The following HHIPL1 variants were observed in gnomAD, a reference collection of about 807,000 sequenced individuals.
HHIPL1 encodes the protein HHIP-like protein 1.
HHIPL1 carries 43 observed loss-of-function variants against 61.8 expected under a neutral mutation model. That is an observed-to-expected ratio of 0.70 (90% confidence interval 0.55 to 0.90). The LOEUF (loss-of-function observed/expected upper bound fraction) is 0.90. HHIPL1 is among the 40% of genes least tolerant of loss of function. The pLI is 0.00. For synonymous variants in HHIPL1, 482 were observed against 515.8 expected (o/e 0.93, Z 0.89); for missense variants, 1,056 against 1,157.7 (o/e 0.91, Z 1.28).
chr14:99,644,428 G>T (rs1036281558), upstream of HHIPL1, among the ~76,000 whole-genome samples: 7 of 142,294 alleles, frequency 4.9e-5, no homozygotes, highest in Non-Finnish European at 3.1e-5. Context: ...AGATTCTGGG[G>T]TAGGTAAGAC....
At chr14:99,649,889 G>A (rs554523596) in intron 1 of HHIPL1, among the ~76,000 whole-genome samples, 1 of 152,366 alleles carries the variant, frequency 6.6e-6, no homozygotes, top group East Asian at 1.9e-4. Context: ...CCTGGTCCAC[G>A]TGCAGCTGCC....
At position 99,675,050 on chromosome 14, in the gene HHIPL1, G is replaced by A; in HGVS notation, c.1814-41G>A. 9.2e-7 allele frequency: 1 copy of A among 1,092,872 alleles called. No individual in the cohort carries two copies. Among genetic ancestry groups the A allele is most frequent in the Non-Finnish European group, 1.1e-6 (1 of 882,326 alleles). 67.7% of individuals were successfully genotyped at this position (1,092,872 alleles called of 1,614,324 possible). ...GGGTGGGCAGCAGGGCTGGACAGGGGCGCCTGGGTCCCTCTGACGGCATAC... is the reference window on the plus strand; with the variant it reads ...GGGTGGGCAGCAGGGCTGGACAGGGACGCCTGGGTCCCTCTGACGGCATAC... On this transcript the variant is annotated intron_variant, in intron 8 of 8. Coordinates refer to ENST00000330710, the MANE Select transcript of HHIPL1 (RefSeq NM_001127258.3). This position sits in a 1 kb window ranked among gnomAD's most constrained non-coding sequence, Gnocchi z 5.4.
chr14:99,646,611 C>A (rs2140050164), intron 1 of HHIPL1, among the ~76,000 whole-genome samples: 1 of 152,050 alleles, frequency 6.6e-6, no homozygotes, highest in Admixed American at 6.5e-5. Context: ...TCCATCTCTA[C>A]AAAAATACAA....
chr14:99,649,708 A>G (rs1331934246), intron 1 of HHIPL1, among the ~76,000 whole-genome samples: 1 of 152,116 alleles, frequency 6.6e-6, no homozygotes, highest in East Asian at 1.9e-4. Flanking sequence ...GGTGGGGAGG[A>G]TCGTTAGAGC....
chr14:99,653,698 C>T (rs1487489323), intron 2 of HHIPL1, among the ~76,000 whole-genome samples: 1 of 152,194 alleles, frequency 6.6e-6, no homozygotes, highest in Non-Finnish European at 1.5e-5. Flanking sequence ...TGCCTCTGGG[C>T]TTTTGCTCCT....
upstream of HHIPL1, among the ~76,000 whole-genome samples, chr14:99,641,669 C>T (rs1402474560): frequency 6.6e-6 from 1 of 152,122 alleles, no homozygotes; most frequent in African/African-American, 2.4e-5. Context: ...CTGCCTCAGC[C>T]TCTCAAAGTG....
At chr14:99,607,684 A>G in the HHIPL1 span, among the ~76,000 whole-genome samples, 7 of 152,052 alleles carry the variant, frequency 4.6e-5, no homozygotes, top group African/African-American at 1.7e-4. Flanking sequence ...ACTCTTCTCT[A>G]TGGTTGGGGC....
At chr14:99,618,458 C>CTGAG in the HHIPL1 span, among the ~76,000 whole-genome samples, 1 of 152,182 alleles carries the variant, frequency 6.6e-6, no homozygotes, top group East Asian at 1.9e-4. Flanking sequence ...GGGCTCCACA[C>CTGAG]TGAGGGCTTC....
chr14:99,650,097 C>G (rs1271540616), intron 1 of HHIPL1, among the ~76,000 whole-genome samples: 4 of 152,236 alleles, frequency 2.6e-5, no homozygotes, highest in African/African-American at 9.6e-5. Context: ...TGAGACCTAG[C>G]CTCACAGCAG....
At chr14:99,645,506 C>CGGGAGT in intron 1 of HHIPL1, 44 bp downstream of exon 1, 1 of 1,256,432 alleles carries the variant, frequency 8.0e-7, no homozygotes, top group Non-Finnish European at 1.0e-6. Context: ...GCGCGGGAGG[C>CGGGAGT]CGAGTCCTGG....
chr14:99,645,806 G>T (rs767881272), intron 1 of HHIPL1, among the ~76,000 whole-genome samples: 1 of 152,144 alleles, frequency 6.6e-6, no homozygotes, highest in African/African-American at 2.4e-5. Flanking sequence ...GTCCCACCCC[G>T]AGCAGCTGCA....
rs1384705086 is a variant in HHIPL1 at position 99,652,454 on chromosome 14, G to C, written c.486G>C (p.Leu162=). ...DDTDYCFPYL[L]VNKNLNSNLG... ...CGGACTACTGCTTCCCTTACCTGCT[G>C]GTCAACAAGAACCTCAACTCAAACC... The change falls in exon 2 of 9, where the codon CTG becomes CTC. Residue 162 remains leucine, a synonymous_variant. Coordinates refer to ENST00000330710, the MANE Select transcript of HHIPL1 (RefSeq NM_001127258.3). 6.2e-7 allele frequency: 1 copy of C among 1,614,082 alleles called. No homozygotes were observed. Among genetic ancestry groups the C allele is most frequent in the African/African-American group, 1.3e-5 (1 of 75,048 alleles).
the HHIPL1 span, among the ~76,000 whole-genome samples, chr14:99,630,263 G>A: frequency 5.3e-5 from 8 of 152,324 alleles, no homozygotes; most frequent in East Asian, 1.9e-4. Flanking sequence ...CTGCCCCATC[G>A]CACACCGGGC....
chr14:99,645,739 A>G (rs1365052382), intron 1 of HHIPL1, among the ~76,000 whole-genome samples: 1 of 152,198 alleles, frequency 6.6e-6, no homozygotes, highest in African/African-American at 2.4e-5. Context: ...TGATGTCATC[A>G]TTTCCTCAGA....
At chr14:99,607,800 G>A in the HHIPL1 span, among the ~76,000 whole-genome samples, 5 of 152,156 alleles carry the variant, frequency 3.3e-5, no homozygotes, top group African/African-American at 1.2e-4. Context: ...TGAAGGTGAG[G>A]AAAAACAGAG....
chr14:99,673,532 G>A (rs548765944), intron 8 of HHIPL1, among the ~76,000 whole-genome samples: 1 of 113,170 alleles, frequency 8.8e-6, no homozygotes, highest in East Asian at 2.6e-4. Context: ...GAAAAGAAGA[G>A]GAAGGGTGCA....
At chr14:99,624,458 T>G in the HHIPL1 span, among the ~76,000 whole-genome samples, 2 of 152,178 alleles carry the variant, frequency 1.3e-5, no homozygotes, top group African/African-American at 4.8e-5. Context: ...GGGGCAAGAC[T>G]GTGTTGTCTT....
intron 6 of HHIPL1, among the ~76,000 whole-genome samples, chr14:99,665,518 G>A (rs1343935524): frequency 6.6e-6 from 1 of 152,180 alleles, no homozygotes; most frequent in Non-Finnish European, 1.5e-5. Context: ...ATGGCTTACT[G>A]CAGCCTCCAA....
At chr14:99,622,179 G>A in the HHIPL1 span, among the ~76,000 whole-genome samples, 2 of 152,142 alleles carry the variant, frequency 1.3e-5, no homozygotes, top group East Asian at 1.9e-4. Flanking sequence ...ACCTTCTGAG[G>A]TTTCTGGAAA....
Sources: allele counts gnomAD v4.1 joint callset (sites outside exome capture counted in the v4.1 genomes callset), GRCh38; gene constraint gnomAD v4.1.1; non-coding constraint Gnocchi (gnomAD v3.1); transcripts MANE v1.5; gene names NCBI Gene and HGNC (gene_info 2026-07-23, HGNC 2026-07-21).